The following GPHN variants were observed in gnomAD, a reference collection of about 807,000 sequenced individuals.
GPHN encodes the protein gephyrin.
In GPHN, 17 loss-of-function variants were observed where a neutral mutation model predicts 95.5. The observed-to-expected ratio is 0.18, with a 90% CI of 0.12 to 0.27. GPHN has a LOEUF of 0.27. GPHN is among the 10% of genes least tolerant of loss of function. The probability of loss-of-function intolerance (pLI) is 1.00; values close to 1 mark genes in which losing one functional copy is unlikely to be tolerated. For synonymous variants in GPHN, 320 were observed against 322.5 expected, an observed-to-expected ratio of 0.99 and a Z score of 0.08; for missense variants, 660 against 978.1, an observed-to-expected ratio of 0.67 and a Z score of 4.34.
At chr14:67,273,833 A>G in the GPHN span, among the ~76,000 whole-genome samples, 2 of 152,324 alleles carry the variant, frequency 1.3e-5, no homozygotes, top group South Asian at 4.1e-4. Context: ...GTGAGATGGT[A>G]TCTCATTGTG....
intron 9 of GPHN, among the ~76,000 whole-genome samples, chr14:66,974,196 A>G (rs1161409218): frequency 1.3e-5 from 2 of 152,210 alleles, no homozygotes; most frequent in Non-Finnish European, 2.9e-5. Context: ...TGAGAAAGGC[A>G]CTACCTAGTA....
the GPHN span, among the ~76,000 whole-genome samples, chr14:67,453,461 G>A: frequency 5.9e-5 from 9 of 152,340 alleles, no homozygotes; most frequent in South Asian, 4.1e-4. Context: ...CAGGTACCCG[G>A]GATGCTGACA....
At position 66,971,260 on chromosome 14, in the gene GPHN, G is replaced by A. The variant is rs541930951; in HGVS notation, c.963+5935G>A. On this transcript the variant is annotated intron_variant, in intron 9 of 22. Transcript: ENST00000478722. ...GGAGATTCGCTTGAACACGGGAGGC[G>A]GAGATTGCTGTGAGCCAAGATCATG... Among the ~76,000 whole-genome samples the A allele has an allele frequency of 2.6e-4, 39 of 152,268 alleles. 1 individual carries two copies. The South Asian group carries it at 7.3e-3, about 28-fold the overall frequency.
intron 4 of GPHN, among the ~76,000 whole-genome samples, chr14:66,858,105 C>T (rs2062872138): frequency 6.6e-6 from 1 of 152,156 alleles, no homozygotes; most frequent in Admixed American, 6.6e-5. Context: ...CCAAGAACTA[C>T]AATTCTTGGG....
At chr14:67,026,020 T>C (rs1455500004) in intron 10 of GPHN, among the ~76,000 whole-genome samples, 1 of 152,234 alleles carries the variant, frequency 6.6e-6, no homozygotes, top group Non-Finnish European at 1.5e-5. Flanking sequence ...TTCCTTTCTG[T>C]GACTCTGACT....
the GPHN span, chr14:67,208,378 G>A: frequency 1.9e-6 from 3 of 1,613,894 alleles, no homozygotes; most frequent in African/African-American, 2.7e-5. Flanking sequence ...CATCCAAGGA[G>A]ATGAAGGATA....
the GPHN span, chr14:67,593,960 G>A: frequency 6.3e-7 from 1 of 1,595,704 alleles, no homozygotes. Flanking sequence ...GTTCTGAAGA[G>A]AGAGCCAGAC....
chr14:67,231,969 T>TAA, the GPHN span, among the ~76,000 whole-genome samples: 494 of 140,736 alleles, frequency 3.5e-3, 4 homozygotes, highest in African/African-American at 0.012. Flanking sequence ...ACTGTGTCTT[T>TAA]AAAAAAAAAA....
At chr14:67,046,168 AT>A (rs975704656) in intron 10 of GPHN, among the ~76,000 whole-genome samples, 1 of 151,922 alleles carries the variant, frequency 6.6e-6, no homozygotes, top group African/African-American at 2.4e-5. Context: ...AGATTAAAAT[AT>A]GTTACTGTTC....
intron 4 of GPHN, among the ~76,000 whole-genome samples, chr14:66,836,299 A>G (rs1284438186): frequency 7.3e-6 from 1 of 137,484 alleles, no homozygotes; most frequent in East Asian, 2.2e-4. Flanking sequence ...CATATCTACA[A>G]CTATCTGATC....
intron 11 of GPHN, among the ~76,000 whole-genome samples, chr14:67,077,297 A>T (rs2076530937): frequency 6.6e-6 from 1 of 152,158 alleles, no homozygotes; most frequent in Non-Finnish European, 1.5e-5. Context: ...TTTGTGTTAG[A>T]TGATTCTGCC....
At chr14:66,686,995 T>G (rs372057026) in intron 2 of GPHN, among the ~76,000 whole-genome samples, 2 of 152,192 alleles carry the variant, frequency 1.3e-5, no homozygotes, top group East Asian at 3.8e-4. Context: ...CTTTTCTGCA[T>G]CTATTGAGAT....
chr14:67,000,919 T>C (rs2072172613), intron 9 of GPHN, among the ~76,000 whole-genome samples: 1 of 151,618 alleles, frequency 6.6e-6, no homozygotes, highest in African/African-American at 2.4e-5. Flanking sequence ...ATTTCCATAA[T>C]AAAAATATTT....
chr14:67,674,583 C>G, the GPHN span: 1 of 1,038,782 alleles, frequency 9.6e-7, no homozygotes, highest in African/African-American at 1.7e-5. Flanking sequence ...GTGGCCATAA[C>G]GGCGACCGCC....
chr14:66,747,977 A>G (rs1223165530), intron 2 of GPHN, among the ~76,000 whole-genome samples: 2 of 152,084 alleles, frequency 1.3e-5, no homozygotes, highest in East Asian at 3.8e-4. Context: ...AACTGTGATG[A>G]TGTATCAATA....
intron 4 of GPHN, among the ~76,000 whole-genome samples, chr14:66,853,023 T>A (rs1405790141): frequency 6.6e-6 from 1 of 152,232 alleles, no homozygotes; most frequent in Admixed American, 6.5e-5. Context: ...TTCTAATTGC[T>A]CTGATATACC....
chr14:66,920,048 A>C (rs2066131989), intron 6 of GPHN, among the ~76,000 whole-genome samples: 1 of 152,198 alleles, frequency 6.6e-6, no homozygotes, highest in Non-Finnish European at 1.5e-5. Context: ...CCTGGGCGAC[A>C]GAATGAGACT....
intron 11 of GPHN, among the ~76,000 whole-genome samples, chr14:67,075,646 A>T (rs2076466895): frequency 1.3e-5 from 2 of 152,194 alleles, no homozygotes; most frequent in Admixed American, 1.3e-4. Flanking sequence ...AAATATCAAC[A>T]TTGACAGGAG....
the GPHN span, among the ~76,000 whole-genome samples, chr14:67,641,657 T>C: frequency 6.6e-6 from 1 of 152,226 alleles, no homozygotes; most frequent in Non-Finnish European, 1.5e-5. Flanking sequence ...TGTGAATTTC[T>C]TGGCCAGGCA....
Sources: allele counts gnomAD v4.1 joint callset (sites outside exome capture counted in the v4.1 genomes callset), GRCh38; gene constraint gnomAD v4.1.1; transcripts MANE v1.5; gene names NCBI Gene and HGNC (gene_info 2026-07-23, HGNC 2026-07-21).